ADGRB3: variants seen among roughly 807,000 people sequenced by gnomAD.
ADGRB3 encodes brain-specific angiogenesis inhibitor 3.
In ADGRB3, 37 loss-of-function variants were observed where a neutral mutation model predicts 193.4. The observed-to-expected ratio is 0.19, with a 90% CI of 0.15 to 0.25. The LOEUF (loss-of-function observed/expected upper bound fraction) is 0.25, where lower values mean the gene tolerates loss of function less well. ADGRB3 is among the 10% of genes least tolerant of loss of function. The pLI, the probability that ADGRB3 is intolerant of heterozygous loss-of-function variation, is 1.00. For synonymous variants in ADGRB3, 690 were observed against 644.2 expected, an observed-to-expected ratio of 1.07 and a Z score of -1.08; for missense variants, 1,637 against 1,852.9, an observed-to-expected ratio of 0.88 and a Z score of 2.14.
At chr6:69,366,308 TTTTA>T (rs1486378044) in intron 29 of ADGRB3, among the ~76,000 whole-genome samples, 2 of 152,112 alleles carry the variant, frequency 1.3e-5, no homozygotes, top group African/African-American at 2.4e-5. Context: ...CTGCAGCTAT[TTTTA>T]GTGGATTTGC....
At chr6:69,206,589 C>T (rs528964228) in intron 17 of ADGRB3, among the ~76,000 whole-genome samples, 7 of 152,064 alleles carry the variant, frequency 4.6e-5, no homozygotes, top group Non-Finnish European at 1.0e-4. Flanking sequence ...CAACCAGAAA[C>T]GCACCAATCC....
chr6:69,363,118 A>T (rs1769487245), intron 29 of ADGRB3, among the ~76,000 whole-genome samples: 1 of 151,964 alleles, frequency 6.6e-6, no homozygotes, highest in South Asian at 2.1e-4. Context: ...TGAACAATAG[A>T]CTGTATTTCC....
Position 68,865,143 on chromosome 6 carries a change from T to C in ADGRB3, c.758-65416T>C, listed in dbSNP as rs533489177. ...AATAAAATAAATACCAACAGAAACC[T>C]GAGTCTTGTTTCACCCCCAGTTTAT... On this transcript the variant is annotated intron_variant, in intron 3 of 31. Coordinates refer to ENST00000370598, the MANE Select transcript of ADGRB3 (RefSeq NM_001704.3). Among the ~76,000 whole-genome samples, 5 of 152,238 alleles carry C rather than the reference T, an allele frequency of 3.3e-5. No homozygotes were observed. The East Asian group carries it at 9.7e-4, about 29-fold the overall frequency.
At chr6:68,889,333 AGTT>A (rs1766005867) in intron 3 of ADGRB3, among the ~76,000 whole-genome samples, 1 of 152,138 alleles carries the variant, frequency 6.6e-6, no homozygotes, top group Non-Finnish European at 1.5e-5. Flanking sequence ...TGCTTCCAAA[AGTT>A]GTGTCCACAT....
chr6:69,077,428 T>G (rs1772263782), intron 17 of ADGRB3, among the ~76,000 whole-genome samples: 1 of 151,964 alleles, frequency 6.6e-6, no homozygotes. Flanking sequence ...ATAAGCAACT[T>G]TGACTTAGTT....
At chr6:69,368,841 A>G (rs1249839183) in intron 29 of ADGRB3, among the ~76,000 whole-genome samples, 1 of 152,138 alleles carries the variant, frequency 6.6e-6, no homozygotes. Flanking sequence ...GACTGTCAGC[A>G]AGAGGAATTT....
chr6:69,030,855 TTCTCTCTCTG>T (rs1482162690), intron 13 of ADGRB3, among the ~76,000 whole-genome samples: 2 of 151,956 alleles, frequency 1.3e-5, no homozygotes, highest in East Asian at 1.9e-4. Context: ...TTCTCTTCTC[TTCTCTCTCTG>T]TCTCTCTCTC....
At chr6:68,665,718 A>G (rs530828774) in intron 3 of ADGRB3, among the ~76,000 whole-genome samples, 2 of 151,932 alleles carry the variant, frequency 1.3e-5, no homozygotes, top group African/African-American at 4.8e-5. Flanking sequence ...AAATTCTTCA[A>G]ATTAATAACT....
intron 17 of ADGRB3, among the ~76,000 whole-genome samples, chr6:69,229,211 C>G (rs1231452316): frequency 6.6e-6 from 1 of 152,076 alleles, no homozygotes; most frequent in Non-Finnish European, 1.5e-5. Flanking sequence ...GAAGAGTGTT[C>G]TTGCTCAAAA....
intron 31 of ADGRB3, among the ~76,000 whole-genome samples, chr6:69,388,096 G>T (rs1334404711): frequency 8.7e-6 from 1 of 114,426 alleles, no homozygotes; most frequent in East Asian, 3.0e-4. Context: ...TAGATAAACA[G>T]TTAAATTTTA....
At chr6:68,896,864 C>T (rs1766232259) in intron 3 of ADGRB3, among the ~76,000 whole-genome samples, 2 of 152,140 alleles carry the variant, frequency 1.3e-5, no homozygotes. Context: ...TTATTTCTAA[C>T]ACCTGATTTG....
intron 17 of ADGRB3, among the ~76,000 whole-genome samples, chr6:69,227,220 A>G (rs547794001): frequency 2.0e-5 from 3 of 152,208 alleles, no homozygotes; most frequent in Non-Finnish European, 4.4e-5. Context: ...AGAAAGGCCA[A>G]TAAGGAGCTC....
At chr6:69,087,401 T>G (rs536330100) in intron 17 of ADGRB3, among the ~76,000 whole-genome samples, 1 of 152,292 alleles carries the variant, frequency 6.6e-6, no homozygotes, top group Admixed American at 6.5e-5. Flanking sequence ...AAAATTCATA[T>G]GTTGAAACTT....
intron 10 of ADGRB3, among the ~76,000 whole-genome samples, chr6:68,991,423 G>A (rs1333297092): frequency 6.6e-6 from 1 of 152,084 alleles, no homozygotes. Context: ...GTAAGGTTGA[G>A]CCTGATAAAG....
At chr6:68,676,436 T>C (rs141044318) in intron 3 of ADGRB3, among the ~76,000 whole-genome samples, 1 of 148,112 alleles carries the variant, frequency 6.8e-6, no homozygotes, top group African/African-American at 2.5e-5. Flanking sequence ...GAGAATGAAG[T>C]TGACTTCAAA....
intron 20 of ADGRB3, among the ~76,000 whole-genome samples, chr6:69,297,404 CTCTCTCTATA>C (rs1396254785): frequency 6.9e-6 from 1 of 145,012 alleles, no homozygotes; most frequent in East Asian, 2.0e-4. Flanking sequence ...CTCTCTCTCT[CTCTCTCTATA>C]TATATATATA....
At chr6:68,834,457 T>G (rs1422328817) in intron 3 of ADGRB3, among the ~76,000 whole-genome samples, 1 of 152,188 alleles carries the variant, frequency 6.6e-6, no homozygotes, top group Non-Finnish European at 1.5e-5. Flanking sequence ...GTTTATATAA[T>G]TTTCTATAAA....
chr6:68,816,960 C>T lies in ADGRB3; in HGVS notation c.758-113599C>T, dbSNP rs187756145. The stretch of plus-strand genomic sequence containing the variant: ...TTGGGAAATATGTAGAGAAAATGTC[C>T]TGTCATAAACAGACTTGTTAAGCCA... On this transcript the variant is annotated intron_variant, in intron 3 of 31. Coordinates refer to ENST00000370598, the MANE Select transcript of ADGRB3 (RefSeq NM_001704.3). 9.9e-4 allele frequency among the ~76,000 whole-genome samples: 151 copies of T among 152,036 alleles called. 1 individual carries two copies. The highest frequency in any genetic ancestry group is 3.3e-3 in the African/African-American group (138 of 41,522).
chr6:68,946,295 T>A (rs987720674), intron 6 of ADGRB3, among the ~76,000 whole-genome samples: 19 of 152,090 alleles, frequency 1.2e-4, no homozygotes, highest in African/African-American at 4.6e-4. Flanking sequence ...TTAGAACTCA[T>A]CATCTTATAG....
Sources: gnomAD v4.1 joint callset for allele counts (sites outside exome capture counted in the v4.1 genomes callset) on GRCh38, gnomAD v4.1.1 for gene constraint, MANE v1.5 for transcripts, NCBI Gene and HGNC (gene_info 2026-07-23, HGNC 2026-07-21) for gene names.